The following RPA2 variants were observed in gnomAD, a reference collection of about 807,000 sequenced individuals.
RPA2 encodes the protein replication protein A 32 kDa subunit.
In RPA2, 22 loss-of-function variants were observed where a neutral mutation model predicts 33.4. The ratio of observed to expected loss-of-function variants is 0.66; its 90% confidence interval spans 0.47 to 0.94. The LOEUF (loss-of-function observed/expected upper bound fraction) is 0.94. Ranked by LOEUF, RPA2 falls within the 40% of genes least tolerant of loss-of-function variation. The probability of loss-of-function intolerance (pLI) is 0.00; values close to 1 mark genes in which losing one functional copy is unlikely to be tolerated. For synonymous variants in RPA2, 109 were observed against 114.9 expected, an observed-to-expected ratio of 0.95 and a Z score of 0.33; for missense variants, 279 against 329.9, an observed-to-expected ratio of 0.85 and a Z score of 1.19.
At chr1:27,896,205 T>C (rs778729493) in intron 6 of RPA2, among the ~76,000 whole-genome samples, 7 of 151,386 alleles carry the variant, frequency 4.6e-5, no homozygotes, top group Non-Finnish European at 8.9e-5. Context: ...TTTTTCTTTA[T>C]TTTTTTTTGA....
chr1:27,894,502 C>T (rs1252582899), intron 6 of RPA2, 105 bp from the exon 7 acceptor site: 1 of 808,250 alleles, frequency 1.2e-6, no homozygotes, highest in Non-Finnish European at 2.0e-6. Context: ...AATTTATAAA[C>T]AGTTTCCCAG....
intron 8 of RPA2, among the ~76,000 whole-genome samples, chr1:27,893,235 C>T (rs2089846706): frequency 6.6e-6 from 1 of 152,164 alleles, no homozygotes; most frequent in South Asian, 2.1e-4. Flanking sequence ...ATGGGTAGCA[C>T]CATTTTGGCC....
At chr1:27,899,337 T>C (rs1267940919) in intron 4 of RPA2, among the ~76,000 whole-genome samples, 1 of 151,760 alleles carries the variant, frequency 6.6e-6, no homozygotes, top group African/African-American at 2.4e-5. Flanking sequence ...AAACCCTGTC[T>C]CTACTAAAAA....
intron 4 of RPA2, among the ~76,000 whole-genome samples, chr1:27,900,973 A>T (rs1265330629): frequency 6.6e-6 from 1 of 152,204 alleles, no homozygotes; most frequent in African/African-American, 2.4e-5. Context: ...TGGTTTCTTG[A>T]GATGGAATCT....
intron 2 of RPA2, among the ~76,000 whole-genome samples, chr1:27,912,229 TA>T (rs2090106755): frequency 6.6e-6 from 1 of 151,980 alleles, no homozygotes; most frequent in Non-Finnish European, 1.5e-5. Flanking sequence ...CTCACATTTA[TA>T]AAATGAAATT....
In RPA2 at chr1:27,892,081, C is replaced by T; in HGVS notation, c.*82G>A. ...AACCTACTTCCTAGAAGCCCCCTGG[C>T]CAGACATATGCAGAGCTGGAGACAA... On this transcript the variant is annotated 3_prime_UTR_variant, in exon 9 of 9. Transcript: ENST00000373912. The T allele has an allele frequency of 2.6e-6, 3 of 1,164,544 alleles. No homozygotes were observed. Among genetic ancestry groups the T allele is most frequent in the South Asian group, 2.7e-5 (2 of 74,080 alleles). 72.1% of individuals were successfully genotyped at this position (1,164,544 alleles called of 1,614,324 possible). A position where few individuals can be genotyped will look rare whatever the true frequency, so the allele number is the denominator to read the frequency against.
At chr1:27,912,852 G>C (rs567001881) in intron 2 of RPA2, among the ~76,000 whole-genome samples, 1 of 152,232 alleles carries the variant, frequency 6.6e-6, no homozygotes, top group East Asian at 1.9e-4. Context: ...TCTTCACAGG[G>C]GCAAAACTGA....
chr1:27,908,827 A>G (rs531424943), intron 2 of RPA2, among the ~76,000 whole-genome samples: 1 of 152,310 alleles, frequency 6.6e-6, no homozygotes, highest in Non-Finnish European at 1.5e-5. Flanking sequence ...GCCAGACAAC[A>G]GTGTAAACTT....
chr1:27,913,751 T>C lies in RPA2; in HGVS notation c.117+312A>G, dbSNP rs369592037. On this transcript the variant is annotated intron_variant, in intron 2 of 8. Coordinates refer to ENST00000373912, the MANE Select transcript of RPA2 (RefSeq NM_002946.5). Reference sequence around the variant, plus strand: ...GGGCAACATAGTGAGACCCCATCTCTATTTTAAAAAATAAAAATAAATTTA... The same window carrying C: ...GGGCAACATAGTGAGACCCCATCTCCATTTTAAAAAATAAAAATAAATTTA... Among the ~76,000 whole-genome samples the C allele has an allele frequency of 6.6e-5, 10 of 152,228 alleles. No homozygotes were observed. In the East Asian group the frequency reaches 1.5e-3, roughly 24 times the overall value.
intron 4 of RPA2, 64 bp downstream of exon 4, chr1:27,906,863 TA>T: frequency 2.7e-6 from 3 of 1,121,840 alleles, no homozygotes; most frequent in Non-Finnish European, 3.9e-6. Context: ...TTAAAAAGAC[TA>T]AAAAAGTTCA....
At chr1:27,895,004 C>T (rs1347256544) in intron 6 of RPA2, among the ~76,000 whole-genome samples, 4 of 152,140 alleles carry the variant, frequency 2.6e-5, no homozygotes, top group African/African-American at 4.8e-5. Flanking sequence ...CTTGACCTCT[C>T]GGAAGCAGAC....
chr1:27,914,424 C>T lies in RPA2; in HGVS notation c.10+10G>A, dbSNP rs1212308212. The T allele has an allele frequency of 1.9e-6, 3 of 1,606,796 alleles. No individual in the cohort carries two copies. The highest frequency in any genetic ancestry group is 4.5e-5 in the East Asian group (2 of 44,704). ...TCTCTTCCTCCTCCACCCCGCACCC[C>T]CATCATTACTGTTCCACATCTTGGT... On this transcript the variant is annotated intron_variant, in intron 1 of 8. Coordinates refer to ENST00000373912, the MANE Select transcript of RPA2 (RefSeq NM_002946.5).
intron 4 of RPA2, among the ~76,000 whole-genome samples, chr1:27,900,729 AT>A (rs1557467950): frequency 6.6e-6 from 1 of 152,002 alleles, no homozygotes. Context: ...CAGTGGCACA[AT>A]TTTGGCTCAC....
chr1:27,913,056 G>A (rs2090118705), intron 2 of RPA2, among the ~76,000 whole-genome samples: 1 of 151,996 alleles, frequency 6.6e-6, no homozygotes, highest in South Asian at 2.1e-4. Flanking sequence ...GAGTTCAAGC[G>A]ATTCCCCTGC....
Position 27,914,147 on chromosome 1 carries a change from G to A in RPA2, c.33C>T (p.Ser11=). 2 of 1,613,044 alleles carry A rather than the reference G, an allele frequency of 1.2e-6. No individual in the cohort carries two copies. The highest frequency in any genetic ancestry group is 1.3e-5 in the African/African-American group (1 of 74,772). MWNSGFESYG[S]SSYGGAGGYT... is the part of the protein sequence containing the mutation. ...AGCCGCCGGCTCCCCCGTATGAGGA[G>A]CTGCCATAGCTTTCGAATCCACCTG... The change falls in exon 2 of 9, where the codon AGC becomes AGT. Residue 11 remains serine (S), a synonymous_variant. Transcript: ENST00000373912.
At chr1:27,908,299 AT>A (rs112728619) in intron 2 of RPA2, among the ~76,000 whole-genome samples, 55 of 140,054 alleles carry the variant, frequency 3.9e-4, no homozygotes, top group Non-Finnish European at 4.7e-4. Flanking sequence ...TTAAAAAAAC[AT>A]TTTTTTTTTT....
intron 2 of RPA2, 66 bp downstream of exon 2, chr1:27,913,995 TTC>T (rs1361997053): frequency 7.2e-7 from 1 of 1,397,856 alleles, no homozygotes; most frequent in African/African-American, 1.4e-5. Flanking sequence ...AGCATAAAGT[TTC>T]TGTCATAGAT....
chr1:27,902,070 T>C (rs754776610), intron 4 of RPA2, among the ~76,000 whole-genome samples: 2 of 151,068 alleles, frequency 1.3e-5, no homozygotes, highest in African/African-American at 4.9e-5. Flanking sequence ...CATAAAAAAA[T>C]GACAAAATTT....
chr1:27,913,532 G>T (rs1156864575), intron 2 of RPA2, among the ~76,000 whole-genome samples: 1 of 151,312 alleles, frequency 6.6e-6, no homozygotes, highest in African/African-American at 2.4e-5. Flanking sequence ...AGGTTGCGGG[G>T]AGCCGAGATC....
Sources: gnomAD v4.1 joint callset for allele counts (sites outside exome capture counted in the v4.1 genomes callset) on GRCh38, gnomAD v4.1.1 for gene constraint, MANE v1.5 for transcripts, NCBI Gene and HGNC (gene_info 2026-07-23, HGNC 2026-07-21) for gene names.